MUL1: variants seen among roughly 807,000 people sequenced by gnomAD.
The protein encoded by MUL1 is mitochondrial ubiquitin ligase activator of NFKB 1.
MUL1 carries 30 observed loss-of-function variants against 34.1 expected under a neutral mutation model. The ratio of observed to expected loss-of-function variants is 0.88; its 90% CI spans 0.66 to 1.19. MUL1 has a LOEUF of 1.19. Among genes scored for constraint, MUL1 ranks in the 50% most tolerant of loss-of-function variants. The pLI, the probability that MUL1 is intolerant of heterozygous loss-of-function variation, is 0.00. For synonymous variants in MUL1, 191 were observed against 187.8 expected, an observed-to-expected ratio of 1.02 and a Z score of -0.14; for missense variants, 419 against 450.5, an observed-to-expected ratio of 0.93 and a Z score of 0.63.
At position 20,500,424 on chromosome 1, in the gene MUL1, T is replaced by A. The variant is rs1205944491; in HGVS notation, c.*266A>T. On this transcript the variant is annotated 3_prime_UTR_variant, in exon 4 of 4. Coordinates refer to ENST00000264198, the MANE Select transcript of MUL1 (RefSeq NM_024544.3). ...GCATTTTCAGTCACACTCGCACTGA[T>A]CTGGCTCCTGGGAGGAGACGCCACG... 1 of 399,326 alleles carries A rather than the reference T, an allele frequency of 2.5e-6. No homozygotes were observed. 24.7% of individuals were successfully genotyped at this position (399,326 alleles called of 1,614,324 possible).
In MUL1 at chr1:20,502,084, C is replaced by T. The variant is rs925448394; in HGVS notation, c.314G>A (p.Arg105Gln). The stretch of plus-strand genomic sequence containing the variant: ...TGATACATACCAAAGGTGGGTGGTT[C>T]GATTCCACACCATCTTGTGCTCCTG... The part of the protein sequence containing the change: ...TLQEHKMVWN[R>Q]TTHLWNDCSK... Residue 105 changes from arginine (R) to glutamine (Q), a missense_variant, in exon 3 of 4, where the codon CGA (arginine) becomes CAA (glutamine). Arg to Gln is a conservative substitution (Grantham distance 43). Coordinates refer to ENST00000264198, the MANE Select transcript of MUL1 (RefSeq NM_024544.3). 3 of 1,613,650 alleles carry T rather than the reference C, an allele frequency of 1.9e-6. No individual in the cohort carries two copies. The highest frequency in any genetic ancestry group is 1.3e-5 in the African/African-American group (1 of 74,894).
At chr1:20,505,575 C>A (rs1334549224) in intron 1 of MUL1, among the ~76,000 whole-genome samples, 1 of 79,664 alleles carries the variant, frequency 1.3e-5, no homozygotes, top group African/African-American at 5.2e-5. Context: ...AGAGTAAGAC[C>A]ATGTCTCAAA....
chr1:20,506,988 A>G (rs1213823804), intron 1 of MUL1, among the ~76,000 whole-genome samples: 1 of 151,980 alleles, frequency 6.6e-6, no homozygotes, highest in East Asian at 1.9e-4. Flanking sequence ...AACGCTTCGG[A>G]GAGCCGAGGC....
rs1408547178 is a variant in MUL1 at position 20,500,720 on chromosome 1, G to A, written c.1029C>T (p.Ile343=). ...TGTTGTACAGGGGTATCACCCGGGTGATCGCCTGTCTGCAGATAGGGCACT... is the reference window on the plus strand; with the variant it reads ...TGTTGTACAGGGGTATCACCCGGGTAATCGCCTGTCTGCAGATAGGGCACT... ...PKKCPICRQA[I]TRVIPLYNS is the part of the protein sequence containing the mutation. Residue 343 remains isoleucine, a synonymous_variant, in exon 4 of 4, where the codon ATC becomes ATT. Transcript: ENST00000264198. 2 of 1,597,744 alleles carry A rather than the reference G, an allele frequency of 1.3e-6. No homozygotes were observed. Among genetic ancestry groups the A allele is most frequent in the African/African-American group, 2.7e-5 (2 of 74,712 alleles).
At chr1:20,502,231 G>A (rs764116282) in intron 2 of MUL1, 42 bp from the exon 3 acceptor site, 3 of 1,612,074 alleles carry the variant, frequency 1.9e-6, no homozygotes, top group East Asian at 4.5e-5. Context: ...GAAGTTTTCT[G>A]CCCTCTCCTT....
At position 20,501,685 on chromosome 1, in the gene MUL1, G is replaced by T. The variant is rs1423944891; in HGVS notation, c.330-266C>A. Reference sequence around the variant, plus strand: ...TCTAAAACAAAACTCACTAGGACCAGTTGGAAAACTGATATTTCATATGAT... The same window carrying T: ...TCTAAAACAAAACTCACTAGGACCATTTGGAAAACTGATATTTCATATGAT... On this transcript the variant is annotated intron_variant, in intron 3 of 3. Coordinates refer to ENST00000264198, the MANE Select transcript of MUL1 (RefSeq NM_024544.3). This position sits in a 1 kb window ranked among gnomAD's most constrained non-coding sequence, Gnocchi z 4.2. 6.6e-6 allele frequency among the ~76,000 whole-genome samples: 1 copy of T among 152,190 alleles called. No homozygotes were observed. The highest frequency in any genetic ancestry group is 2.4e-5 in the African/African-American group (1 of 41,446).
chr1:20,507,881 G>A (rs1431497849), intron 1 of MUL1, 24 bp downstream of exon 1: 6 of 1,593,196 alleles, frequency 3.8e-6, no homozygotes, highest in African/African-American at 1.3e-5. Context: ...ACCCGGCTGA[G>A]GCCAGGCCGG....
At chr1:20,503,981 C>T (rs2051689410) in intron 1 of MUL1, among the ~76,000 whole-genome samples, 1 of 151,834 alleles carries the variant, frequency 6.6e-6, no homozygotes, top group Non-Finnish European at 1.5e-5. Flanking sequence ...AAGTGATCCT[C>T]CCACCTCAGG....
chr1:20,507,844 G>C (rs1317553036), intron 1 of MUL1, 61 bp downstream of exon 1: 1 of 1,551,528 alleles, frequency 6.4e-7, no homozygotes, highest in Non-Finnish European at 8.7e-7. Flanking sequence ...GTGAATCATG[G>C]GCTCCCCAGC....
At position 20,508,113 on chromosome 1, in the gene MUL1, C is replaced by A. The variant is rs576820210; in HGVS notation, c.-89G>T. On this transcript the variant is annotated 5_prime_UTR_variant, in exon 1 of 4. Transcript: ENST00000264198. The stretch of plus-strand genomic sequence containing the variant: ...CCACCTCCTTCCGACCAGGACCGCA[C>A]CCCCCCGGCCTAACCTGACCGGAAA... 1.4e-6 allele frequency: 2 copies of A among 1,478,582 alleles called. No individual in the cohort carries two copies. The allele number at this position is 1,478,582 out of a possible 1,614,324, so 91.6% of individuals were successfully genotyped here.
At chr1:20,505,519 G>A (rs1269059857) in intron 1 of MUL1, among the ~76,000 whole-genome samples, 1 of 149,180 alleles carries the variant, frequency 6.7e-6, no homozygotes, top group East Asian at 2.0e-4. Flanking sequence ...GGAGCTCGAG[G>A]CTGCAATGAG....
At position 20,500,857 on chromosome 1, in the gene MUL1, G is replaced by T. The variant is rs759973934; in HGVS notation, c.892C>A (p.Leu298Met). The change falls in exon 4 of 4, where the codon CTG (leucine) becomes ATG (methionine). Residue 298 changes from leucine to methionine, a missense_variant. Transcript: ENST00000264198. ...SRAKPEDRESLKSACVVCLSS... is the reference protein window; with the variant it reads ...SRAKPEDRESMKSACVVCLSS... ...AGACACACTACACAGGCGCTCTTCA[G>T]ACTCTCCCTGTCCTCAGGCTTGGCT... The T allele has an allele frequency of 6.2e-7, 1 of 1,614,180 alleles. No homozygotes were observed. The highest frequency in any genetic ancestry group is 1.1e-5 in the South Asian group (1 of 91,066).
chr1:20,506,849 C>CA (rs58728412), intron 1 of MUL1, among the ~76,000 whole-genome samples: 10,317 of 95,330 alleles, frequency 0.11, 794 homozygotes, highest in East Asian at 0.27. Flanking sequence ...GACTCCGTCT[C>CA]AAAAAAAAAA....
In MUL1 at chr1:20,508,103, C is replaced by G; in HGVS notation, c.-79G>C. ...CCCCGACTCTCCACCTCCTTCCGAC[C>G]AGGACCGCACCCCCCCGGCCTAACC... On this transcript the variant is annotated 5_prime_UTR_variant, in exon 1 of 4. Coordinates refer to ENST00000264198, the MANE Select transcript of MUL1 (RefSeq NM_024544.3). 3.9e-6 allele frequency: 6 copies of G among 1,520,460 alleles called. No individual in the cohort carries two copies. The highest frequency in any genetic ancestry group is 5.3e-6 in the Non-Finnish European group (6 of 1,132,100). 94.2% of individuals were successfully genotyped at this position (1,520,460 alleles called of 1,614,324 possible).
chr1:20,502,827 C>G (rs1021584430), intron 2 of MUL1, among the ~76,000 whole-genome samples: 2 of 151,972 alleles, frequency 1.3e-5, no homozygotes, highest in African/African-American at 2.4e-5. Context: ...AGCTACCACA[C>G]CTGGCCTCAA....
rs1374671120 is a variant in MUL1 at position 20,508,120 on chromosome 1, G to A, written c.-96C>T. On this transcript the variant is annotated 5_prime_UTR_variant, in exon 1 of 4. Transcript: ENST00000264198. ...CTTCCGACCAGGACCGCACCCCCCCGGCCTAACCTGACCGGAAACTCGAAA... is the reference window on the plus strand; with the variant it reads ...CTTCCGACCAGGACCGCACCCCCCCAGCCTAACCTGACCGGAAACTCGAAA... 12 of 1,456,770 alleles carry A rather than the reference G, an allele frequency of 8.2e-6. No homozygotes were observed. The highest frequency in any genetic ancestry group is 7.8e-5 in the Admixed American group (3 of 38,674). The allele number at this position is 1,456,770 out of a possible 1,614,324, so 90.2% of individuals were successfully genotyped here.
rs781240907 is a variant in MUL1 at position 20,507,953 on chromosome 1, G to A, written c.72C>T (p.Ala24=). 8.1e-6 allele frequency: 13 copies of A among 1,596,564 alleles called. No homozygotes were observed. Among genetic ancestry groups the A allele is most frequent in the African/African-American group, 2.7e-5 (2 of 74,830 alleles). ...CCTTCTGCCGGTACACGGAGTACAG[G>A]GCGGCGGTGACCACAGAGGTGGTGC... is the stretch of plus-strand genomic sequence containing the variant. ...LLGTTSVVTA[A]LYSVYRQKAR... Residue 24 remains alanine (A), a synonymous_variant, in exon 1 of 4, where the codon GCC becomes GCT. Coordinates refer to ENST00000264198, the MANE Select transcript of MUL1 (RefSeq NM_024544.3).
intron 1 of MUL1, among the ~76,000 whole-genome samples, chr1:20,507,266 GCA>G (rs2051724377): frequency 6.6e-6 from 1 of 152,204 alleles, no homozygotes; most frequent in South Asian, 2.1e-4. Context: ...AAACCGTAAA[GCA>G]CAGTTCAGAA....
chr1:20,503,337 T>G, intron 1 of MUL1, 28 bp from the exon 2 acceptor site: 1 of 1,385,056 alleles, frequency 7.2e-7, no homozygotes, highest in Middle Eastern at 2.2e-4. Flanking sequence ...ATTAAATTAA[T>G]TGGCCATTGA....
Sources: gnomAD v4.1 joint callset for allele counts (sites outside exome capture counted in the v4.1 genomes callset) on GRCh38, gnomAD v4.1.1 for gene constraint, Gnocchi (gnomAD v3.1) non-coding constraint, MANE v1.5 for transcripts, NCBI Gene and HGNC (gene_info 2026-07-23, HGNC 2026-07-21) for gene names.